The following TSHR variants were observed in gnomAD, a reference collection of about 807,000 sequenced individuals.
TSHR encodes thyrotropin receptor.
Under a neutral mutation model 64.1 loss-of-function variants are expected in TSHR, and 51 were observed. The ratio of observed to expected loss-of-function variants is 0.80; its 90% CI spans 0.64 to 1.01. The LOEUF (loss-of-function observed/expected upper bound fraction) is 1.01, where lower values mean the gene tolerates loss of function less well. TSHR is among the 50% of genes least tolerant of loss of function. The probability of loss-of-function intolerance (pLI) is 0.00; values close to 1 mark genes in which losing one functional copy is unlikely to be tolerated. For synonymous variants in TSHR, 361 were observed against 361.9 expected, an observed-to-expected ratio of 1.00 and a Z score of 0.03; for missense variants, 877 against 942.8, an observed-to-expected ratio of 0.93 and a Z score of 0.91.
chr14:81,037,444 CAAAA>C lies in TSHR; in HGVS notation c.171-24701_171-24698del, dbSNP rs1236687868. ...CAAAACAAACAAACAAACAAACAAA[CAAAA>C]AACAGAAAATGATCTAACAAAATGT... On this transcript the variant is annotated intron_variant, in intron 1 of 9. Coordinates refer to ENST00000298171, the MANE Select transcript of TSHR (RefSeq NM_000369.5). Among the ~76,000 whole-genome samples, 321 of 127,436 alleles carry C rather than the reference CAAAA, an allele frequency of 2.5e-3. 11 individuals are homozygous for C. Among genetic ancestry groups the C allele is most frequent in the Non-Finnish European group, 3.6e-3 (210 of 58,364 alleles). The allele number at this position is 127,436 out of a possible 152,430, so 83.6% of individuals were successfully genotyped here.
intron 7 of TSHR, chr14:81,105,272 T>C (rs1889820508): frequency 3.1e-6 from 3 of 974,900 alleles, no homozygotes; most frequent in South Asian, 4.7e-5. Flanking sequence ...ATGAGGTTGA[T>C]GGAAGCACTT....
chr14:81,144,015 C>G lies in TSHR; in HGVS notation c.1957C>G (p.Leu653Val). Residue 653 changes from leucine to valine, a missense_variant, in exon 10 of 10, where the codon CTC becomes GTC. By Grantham distance (32) the Leu-to-Val change is conservative (BLOSUM62 1). Transcript: ENST00000298171. Reference protein sequence around the residue: ...YALSAILNKPLITVSNSKILL... With the variant: ...YALSAILNKPVITVSNSKILL... ...TCTGTCAGCAATTCTGAACAAGCCTCTCATCACTGTTAGCAACTCCAAAAT... is the reference window on the plus strand; with the variant it reads ...TCTGTCAGCAATTCTGAACAAGCCTGTCATCACTGTTAGCAACTCCAAAAT... 5 of 1,614,226 alleles carry G rather than the reference C, an allele frequency of 3.1e-6. No homozygotes were observed. The highest frequency in any genetic ancestry group is 4.2e-6 in the Non-Finnish European group (5 of 1,180,044).
intron 1 of TSHR, among the ~76,000 whole-genome samples, chr14:81,039,927 C>A: frequency 6.6e-6 from 1 of 152,016 alleles, no homozygotes; most frequent in Non-Finnish European, 1.5e-5. Context: ...AAATCCTTAT[C>A]AAAATTCCAA....
At chr14:81,007,936 T>C (rs138160250) in intron 1 of TSHR, among the ~76,000 whole-genome samples, 15 of 152,326 alleles carry the variant, frequency 9.8e-5, no homozygotes, top group Admixed American at 2.6e-4. Flanking sequence ...TGTAGCAATT[T>C]AATGATCTAC....
At chr14:81,000,283 C>A (rs67256654) in intron 1 of TSHR, among the ~76,000 whole-genome samples, 20,567 of 97,056 alleles carry the variant, frequency 0.21, 1,723 homozygotes, top group East Asian at 0.45. Context: ...ATGTCATTTC[C>A]GGTTCTTTAA....
At chr14:81,028,101 A>G (rs1250923209) in intron 1 of TSHR, among the ~76,000 whole-genome samples, 1 of 152,204 alleles carries the variant, frequency 6.6e-6, no homozygotes, top group African/African-American at 2.4e-5. Context: ...AGACCTTACG[A>G]TACATAAAGT....
intron 6 of TSHR, chr14:81,093,640 C>A (rs558371467): frequency 6.6e-6 from 1 of 152,320 alleles, no homozygotes; most frequent in South Asian, 2.1e-4. Context: ...CTGAGCCATT[C>A]CTAGTTTATC....
At chr14:81,104,799 A>G in intron 7 of TSHR, 2 of 985,408 alleles carry the variant, frequency 2.0e-6, no homozygotes, top group Non-Finnish European at 2.4e-6. Context: ...AACTCCATGT[A>G]TGGAAATCTG....
At chr14:81,127,533 T>G (rs1891066992) in intron 8 of TSHR, among the ~76,000 whole-genome samples, 1 of 152,160 alleles carries the variant, frequency 6.6e-6, no homozygotes, top group East Asian at 1.9e-4. Context: ...TTGATACGGT[T>G]TGGCTGTGTC....
chr14:81,056,428 T>C (rs549229403), intron 1 of TSHR, among the ~76,000 whole-genome samples: 4 of 152,270 alleles, frequency 2.6e-5, no homozygotes, highest in African/African-American at 9.6e-5. Context: ...TGCATACATA[T>C]ATGTAAAGTA....
intron 1 of TSHR, among the ~76,000 whole-genome samples, chr14:81,004,790 A>C (rs936003542): frequency 2.0e-5 from 3 of 152,230 alleles, no homozygotes; most frequent in Non-Finnish European, 2.9e-5. Flanking sequence ...GAAATACTGG[A>C]AGTCATATTC....
chr14:81,103,728 C>T lies in TSHR; in HGVS notation c.615-4647C>T. 1 of 985,470 alleles carries T rather than the reference C, an allele frequency of 1.0e-6. No individual in the cohort carries two copies. The highest frequency in any genetic ancestry group is 1.2e-6 in the Non-Finnish European group (1 of 829,936). The allele number at this position is 985,470 out of a possible 1,614,324, so 61.0% of individuals were successfully genotyped here. ...AACTGTACTTGGTCACAAGTTAAGT[C>T]ACACATTCATTGTTTGGAATTTCTT... On this transcript the variant is annotated intron_variant, in intron 7 of 9. Transcript: ENST00000298171. This position sits in a 1 kb window ranked among gnomAD's most constrained non-coding sequence, Gnocchi z 4.1.
intron 1 of TSHR, among the ~76,000 whole-genome samples, chr14:81,035,586 G>A: frequency 6.6e-6 from 1 of 152,158 alleles, no homozygotes; most frequent in East Asian, 1.9e-4. Flanking sequence ...TTAGAACAAT[G>A]AACTTCACAG....
At position 81,112,902 on chromosome 14, in the gene TSHR, G is replaced by A. The variant is rs143059285; in HGVS notation, c.692+4450G>A. ...CGCTCAAACAGAGTAAAGTAAACGG[G>A]GGAAAAAGTAAAAGCTGTGATCAAA... On this transcript the variant is annotated intron_variant, in intron 8 of 9. Transcript: ENST00000298171. 1.5e-4 allele frequency among the ~76,000 whole-genome samples: 23 copies of A among 152,278 alleles called. No individual in the cohort carries two copies. The East Asian group carries it at 4.1e-3, about 27-fold the overall frequency.
chr14:81,092,568 G>A lies in TSHR; in HGVS notation c.505G>A (p.Val169Met). The part of the protein sequence containing the change: ...TDNPYMTSIP[V>M]NAFQGLCNET... ...CAACCCTTACATGACGTCAATCCCT[G>A]TGAATGCTTTTCAGGGACTATGCAA... The change falls in exon 6 of 10, where the codon GTG (valine) becomes ATG (methionine). Residue 169 changes from valine (V) to methionine (M), a missense_variant. Coordinates refer to ENST00000298171, the MANE Select transcript of TSHR (RefSeq NM_000369.5). 1 of 1,614,082 alleles carries A rather than the reference G, an allele frequency of 6.2e-7. No individual in the cohort carries two copies. The highest frequency in any genetic ancestry group is 8.5e-7 in the Non-Finnish European group (1 of 1,179,998).
chr14:81,022,335 T>C (rs1385851028), intron 1 of TSHR, among the ~76,000 whole-genome samples: 1 of 152,186 alleles, frequency 6.6e-6, no homozygotes, highest in Non-Finnish European at 1.5e-5. Context: ...TAATTGTATG[T>C]GTCAACTTGT....
At chr14:81,068,658 G>A (rs1566791538) in intron 3 of TSHR, among the ~76,000 whole-genome samples, 1 of 152,188 alleles carries the variant, frequency 6.6e-6, no homozygotes, top group Non-Finnish European at 1.5e-5. Flanking sequence ...TCTATGGTCT[G>A]TGCAAGATTC....
intron 1 of TSHR, among the ~76,000 whole-genome samples, chr14:80,971,182 A>G (rs1887572763): frequency 6.6e-6 from 1 of 152,136 alleles, no homozygotes; most frequent in Non-Finnish European, 1.5e-5. Flanking sequence ...GAGGTCCCTG[A>G]ATCTTTGTGG....
At chr14:80,993,010 A>T (rs963321125) in intron 1 of TSHR, 8 of 152,184 alleles carry the variant, frequency 5.3e-5, no homozygotes, top group Non-Finnish European at 1.0e-4. Flanking sequence ...ACTCCATCTA[A>T]TAGGATAGAC....
Sources: allele counts gnomAD v4.1 joint callset (sites outside exome capture counted in the v4.1 genomes callset), GRCh38; gene constraint gnomAD v4.1.1; non-coding constraint Gnocchi (gnomAD v3.1); transcripts MANE v1.5; gene names NCBI Gene and HGNC (gene_info 2026-07-23, HGNC 2026-07-21).